TDRD10: variants seen among roughly 807,000 people sequenced by gnomAD.
TDRD10 encodes tudor domain-containing protein 10.
In TDRD10, 40 loss-of-function variants were observed where a neutral mutation model predicts 48.0. That is an observed-to-expected ratio of 0.83 (90% CI 0.65 to 1.09). The LOEUF (loss-of-function observed/expected upper bound fraction) is 1.09. Ranked by LOEUF, TDRD10 falls within the 50% of genes least tolerant of loss-of-function variation. The pLI, the probability that TDRD10 is intolerant of heterozygous loss-of-function variation, is 0.00. For synonymous variants in TDRD10, 162 were observed against 170.4 expected (o/e 0.95, Z 0.38); for missense variants, 378 against 434.7 (o/e 0.87, Z 1.16).
chr1:154,537,715 G>C (rs1045437461), intron 6 of TDRD10, among the ~76,000 whole-genome samples: 1 of 152,134 alleles, frequency 6.6e-6, no homozygotes, highest in South Asian at 2.1e-4. Flanking sequence ...TGGATGGATG[G>C]TCCCACCTCC....
chr1:154,509,611 A>T (rs761204925), intron 4 of TDRD10, among the ~76,000 whole-genome samples: 1 of 152,200 alleles, frequency 6.6e-6, no homozygotes, highest in Non-Finnish European at 1.5e-5. Context: ...AAGATATGGA[A>T]ATAACTCACC....
chr1:154,540,690 A>G (rs1313988245), intron 6 of TDRD10, among the ~76,000 whole-genome samples: 1 of 152,124 alleles, frequency 6.6e-6, no homozygotes, highest in Admixed American at 6.6e-5. Context: ...ATTCCAGAGA[A>G]TGATGAGGGC....
intron 6 of TDRD10, among the ~76,000 whole-genome samples, chr1:154,539,261 A>G (rs1449788088): frequency 6.6e-6 from 1 of 152,144 alleles, no homozygotes; most frequent in Non-Finnish European, 1.5e-5. Flanking sequence ...TTAGAGAGTG[A>G]AGAATTTGCC....
intron 9 of TDRD10, 75 bp from the exon 10 acceptor site, chr1:154,544,297 T>C: frequency 6.5e-7 from 1 of 1,546,268 alleles, no homozygotes; most frequent in Non-Finnish European, 8.7e-7. Context: ...GGTGCTAACA[T>C]AACAGGTGAC....
intron 11 of TDRD10, among the ~76,000 whole-genome samples, chr1:154,546,942 T>C (rs1164690156): frequency 6.6e-6 from 1 of 152,084 alleles, no homozygotes; most frequent in Non-Finnish European, 1.5e-5. Context: ...TCTGGTGGGA[T>C]GGTGGGAGTT....
At position 154,508,471 on chromosome 1, in the gene TDRD10, A is replaced by G; in HGVS notation, c.131A>G (p.Asp44Gly). 6.2e-7 allele frequency: 1 copy of G among 1,607,126 alleles called. No individual in the cohort carries two copies. Among genetic ancestry groups the G allele is most frequent in the South Asian group, 1.1e-5 (1 of 90,954 alleles). Reference sequence around the variant, plus strand: ...GTGTATGTTGGCAATCTTCCACTGGATATTTCTAAGGTATTTATTCTTCAC... The same window carrying G: ...GTGTATGTTGGCAATCTTCCACTGGGTATTTCTAAGGTATTTATTCTTCAC... ...TEVYVGNLPL[D>G]ISKEEILYLL... Residue 44 changes from aspartate to glycine, a missense_variant, in exon 4 of 13, where the codon GAT (aspartate) becomes GGT (glycine). This residue lies in a region of TDRD10 where 310 missense variants were observed against 323.6 expected (regional missense o/e 0.96). Transcript: ENST00000368482.
At chr1:154,533,036 C>T (rs1694727039) in intron 6 of TDRD10, among the ~76,000 whole-genome samples, 1 of 152,136 alleles carries the variant, frequency 6.6e-6, no homozygotes. Context: ...GTCCAGGATT[C>T]CCAAGTGGTT....
intron 11 of TDRD10, among the ~76,000 whole-genome samples, chr1:154,545,597 C>T (rs899703285): frequency 2.0e-5 from 3 of 151,898 alleles, no homozygotes; most frequent in African/African-American, 7.3e-5. Flanking sequence ...TTTTCAGAGG[C>T]AGGGTCTCAC....
Position 154,547,766 on chromosome 1 carries a change from T to C in TDRD10, c.*56T>C. On this transcript the variant is annotated 3_prime_UTR_variant, in exon 13 of 13. Coordinates refer to ENST00000368482, the MANE Select transcript of TDRD10 (RefSeq NM_182499.4). Reference sequence around the variant, plus strand: ...GTTTGCCACGGATCCAGAGGCCACCTGCCCTGTCTTCTCGTACCCCTTTCA... The same window carrying C: ...GTTTGCCACGGATCCAGAGGCCACCCGCCCTGTCTTCTCGTACCCCTTTCA... 1 of 1,597,768 alleles carries C rather than the reference T, an allele frequency of 6.3e-7. No homozygotes were observed. The highest frequency in any genetic ancestry group is 1.1e-5 in the South Asian group (1 of 90,722).
chr1:154,535,412 G>A (rs12037271), intron 6 of TDRD10, among the ~76,000 whole-genome samples: 76,697 of 151,326 alleles, frequency 0.51, 22,544 homozygotes, highest in East Asian at 0.76. Context: ...TAAGCCATCT[G>A]CAGTGGTGTG....
rs1695702065 is a variant in TDRD10 at position 154,548,023 on chromosome 1, GATATAAGTGGTCCTAAC to G, written c.*315_*331del. The G allele has an allele frequency of 2.2e-6, 1 of 460,466 alleles. No homozygotes were observed. The highest frequency in any genetic ancestry group is 3.9e-6 in the Non-Finnish European group (1 of 257,822). 28.5% of individuals were successfully genotyped at this position (460,466 alleles called of 1,614,324 possible). On this transcript the variant is annotated 3_prime_UTR_variant, in exon 13 of 13. Transcript: ENST00000368482. Reference sequence around the variant, plus strand: ...GTCTCTTCTTTGCACCCCAGAGCATGATATAAGTGGTCCTAACAGATTCTGGATAATGGAGAAGCCCT... The same window carrying G: ...GTCTCTTCTTTGCACCCCAGAGCATGAGATTCTGGATAATGGAGAAGCCCT...
At chr1:154,516,725 T>C (rs1386740588) in intron 4 of TDRD10, among the ~76,000 whole-genome samples, 4 of 152,112 alleles carry the variant, frequency 2.6e-5, no homozygotes, top group Non-Finnish European at 4.4e-5. Flanking sequence ...GGTGGGTGGA[T>C]TGCTTGAGCT....
chr1:154,513,222 A>C (rs1693578055), intron 4 of TDRD10, among the ~76,000 whole-genome samples: 1 of 152,220 alleles, frequency 6.6e-6, no homozygotes. Context: ...AAAAGCATTA[A>C]TTTGTAGTGG....
At chr1:154,512,729 C>G (rs977589338) in intron 4 of TDRD10, among the ~76,000 whole-genome samples, 5 of 152,188 alleles carry the variant, frequency 3.3e-5, no homozygotes, top group African/African-American at 7.2e-5. Context: ...CAGTAACACT[C>G]CTGGCCCATA....
At chr1:154,544,209 G>T in intron 9 of TDRD10, 99 bp downstream of exon 9, 1 of 1,577,270 alleles carries the variant, frequency 6.3e-7, no homozygotes, top group South Asian at 1.1e-5. Flanking sequence ...TGGAGATGCA[G>T]GGTAACTACG....
At chr1:154,510,986 C>A (rs1231372211) in intron 4 of TDRD10, among the ~76,000 whole-genome samples, 1 of 151,290 alleles carries the variant, frequency 6.6e-6, no homozygotes, top group Non-Finnish European at 1.5e-5. Flanking sequence ...GCGGAGCTTG[C>A]AGTGAGCTGA....
intron 6 of TDRD10, among the ~76,000 whole-genome samples, chr1:154,536,390 A>C (rs1174495230): frequency 6.6e-6 from 1 of 152,230 alleles, no homozygotes; most frequent in African/African-American, 2.4e-5. Flanking sequence ...AAAGTTGCTT[A>C]AGAATAAAAA....
intron 4 of TDRD10, among the ~76,000 whole-genome samples, chr1:154,513,944 G>GT (rs1360148814): frequency 6.6e-6 from 1 of 152,136 alleles, no homozygotes; most frequent in East Asian, 1.9e-4. Context: ...AATCCTAGCA[G>GT]TTTGGGAGGC....
chr1:154,521,375 G>A lies in TDRD10; in HGVS notation c.265G>A (p.Glu89Lys), dbSNP rs772955266. 4 of 1,614,036 alleles carry A rather than the reference G, an allele frequency of 2.5e-6. No homozygotes were observed. The highest frequency in any genetic ancestry group is 3.4e-6 in the Non-Finnish European group (4 of 1,180,044). Residue 89 changes from glutamate (E) to lysine (K), a missense_variant, in exon 6 of 13, where the codon GAG becomes AAG. By Grantham distance (56) the Glu-to-Lys change is moderately conservative (BLOSUM62 1). This residue lies in a region of TDRD10 where 310 missense variants were observed against 323.6 expected (regional missense o/e 0.96). Transcript: ENST00000368482. ...SMQKVTLAIQELNGKLFHKRK... is the reference protein window; with the variant it reads ...SMQKVTLAIQKLNGKLFHKRK... Reference sequence around the variant, plus strand: ...GCAGAAAGTGACACTTGCAATCCAGGAGCTGAATGGTAAACTCTTCCACAA... The same window carrying A: ...GCAGAAAGTGACACTTGCAATCCAGAAGCTGAATGGTAAACTCTTCCACAA...
Sources: allele counts gnomAD v4.1 joint callset (sites outside exome capture counted in the v4.1 genomes callset), GRCh38; gene constraint gnomAD v4.1.1; regional missense constraint gnomAD v4.1.1; transcripts MANE v1.5; gene names NCBI Gene and HGNC (gene_info 2026-07-23, HGNC 2026-07-21).